TJP2: variants seen among roughly 807,000 people sequenced by gnomAD.
The protein encoded by TJP2 is tight junction protein 2, also known as Friedreich ataxia region gene X104 (tight junction protein ZO-2).
TJP2 carries 91 observed loss-of-function variants against 133.1 expected under a neutral mutation model. The ratio of observed to expected loss-of-function variants is 0.68; its 90% CI spans 0.58 to 0.81. The LOEUF is 0.81. Ranked by LOEUF, TJP2 falls within the 40% of genes least tolerant of loss-of-function variation. The pLI, the probability that TJP2 is intolerant of heterozygous loss-of-function variation, is 0.00. For missense variants in TJP2, 1,541 were observed against 1,565.6 expected, an observed-to-expected ratio of 0.98 and a Z score of 0.26; for synonymous variants, 592 against 583.4, an observed-to-expected ratio of 1.01 and a Z score of -0.21.
chr9:69,220,713 CCTATT>C (rs967194378), intron 4 of TJP2, among the ~76,000 whole-genome samples, 169 bp from the exon 5 acceptor site: 4 of 152,224 alleles, frequency 2.6e-5, no homozygotes, highest in African/African-American at 7.2e-5. Context: ...CGGTCATTGT[CCTATT>C]CTAACCCTGT....
intron 1 of TJP2, among the ~76,000 whole-genome samples, chr9:69,149,453 C>CTAA (rs142127045): frequency 0.059 from 8,999 of 152,268 alleles, 760 homozygotes; most frequent in East Asian, 0.23. Flanking sequence ...ATAGCTTTAG[C>CTAA]CTTTGCCTAC....
chr9:69,200,556 T>C (rs1826911938), intron 1 of TJP2, among the ~76,000 whole-genome samples: 1 of 152,132 alleles, frequency 6.6e-6, no homozygotes, highest in Non-Finnish European at 1.5e-5. Flanking sequence ...CCTGGCTAGA[T>C]TTTAACATTT....
intron 1 of TJP2, among the ~76,000 whole-genome samples, chr9:69,195,558 G>GA (rs1318507897): frequency 6.6e-6 from 1 of 152,032 alleles, no homozygotes; most frequent in Admixed American, 6.5e-5. Context: ...TTTTGTATGT[G>GA]AAAAAAGCAG....
intron 1 of TJP2, among the ~76,000 whole-genome samples, chr9:69,123,556 A>T (rs1178186551): frequency 1.3e-5 from 1 of 77,660 alleles, no homozygotes; most frequent in East Asian, 3.8e-4. Context: ...AAGAGAATGT[A>T]TAGTAAATGT....
At chr9:69,235,573 T>C (rs1233070498) in intron 12 of TJP2, among the ~76,000 whole-genome samples, 1 of 152,002 alleles carries the variant, frequency 6.6e-6, no homozygotes, top group Admixed American at 6.6e-5. Context: ...CCACCCACCT[T>C]GGCCTCCCAA....
In TJP2 at chr9:69,225,316, G is replaced by A. The variant is rs559824029; in HGVS notation, c.965G>A (p.Arg322Gln). Reference protein sequence around the residue: ...KSRANEEYGLRLGSQIFVKEM... With the variant: ...KSRANEEYGLQLGSQIFVKEM... ...GTTTGTCTCCTAGAGTATGGTCTCCGGCTTGGGAGTCAGATCTTCGTAAAG... is the reference window on the plus strand; with the variant it reads ...GTTTGTCTCCTAGAGTATGGTCTCCAGCTTGGGAGTCAGATCTTCGTAAAG... The change falls in exon 6 of 23, where the codon CGG becomes CAG. Residue 322 changes from arginine to glutamine, a missense_variant. Transcript: ENST00000377245. 2.9e-5 allele frequency: 46 copies of A among 1,612,912 alleles called. No individual in the cohort carries two copies. The highest frequency in any genetic ancestry group is 3.3e-4 in the Middle Eastern group (2 of 6,058).
chr9:69,132,808 A>C (rs1212530412), intron 1 of TJP2, among the ~76,000 whole-genome samples: 1 of 152,132 alleles, frequency 6.6e-6, no homozygotes, highest in Non-Finnish European at 1.5e-5. Context: ...CCTACCTGGT[A>C]GGCTTAGTGG....
chr9:69,192,956 C>G (rs987665623), intron 1 of TJP2, among the ~76,000 whole-genome samples: 1 of 138,246 alleles, frequency 7.2e-6, no homozygotes, highest in Non-Finnish European at 1.5e-5. Flanking sequence ...TGGTCTCACT[C>G]TGTCACCCAG....
chr9:69,229,802 A>T (rs377756642), intron 10 of TJP2, among the ~76,000 whole-genome samples: 6 of 152,334 alleles, frequency 3.9e-5, no homozygotes, highest in Admixed American at 1.3e-4. Context: ...TTTTAGCCCT[A>T]ACTCTGCCCT....
At chr9:69,208,216 C>T (rs1261668219) in intron 1 of TJP2, among the ~76,000 whole-genome samples, 1 of 152,184 alleles carries the variant, frequency 6.6e-6, no homozygotes. Context: ...TAGTTCCCTT[C>T]CTTTACAATT....
intron 1 of TJP2, among the ~76,000 whole-genome samples, chr9:69,147,143 T>G (rs1255037608): frequency 6.6e-6 from 1 of 152,206 alleles, no homozygotes; most frequent in Non-Finnish European, 1.5e-5. Flanking sequence ...GAAAACATTG[T>G]AATGACTAAA....
intron 4 of TJP2, 149 bp from the exon 5 acceptor site, chr9:69,220,738 A>G (rs1263377691): frequency 1.4e-6 from 1 of 726,192 alleles, no homozygotes; most frequent in Non-Finnish European, 2.4e-6. Context: ...TGAGATTTTT[A>G]TTGTCCGTTT....
chr9:69,220,043 G>A (rs990068165), intron 4 of TJP2, among the ~76,000 whole-genome samples: 66 of 152,156 alleles, frequency 4.3e-4, no homozygotes, highest in Non-Finnish European at 2.9e-4. Flanking sequence ...CCCAGCTATC[G>A]GGAGGGTGAG....
At chr9:69,214,938 C>G (rs1828246378) in intron 2 of TJP2, among the ~76,000 whole-genome samples, 1 of 151,416 alleles carries the variant, frequency 6.6e-6, no homozygotes, top group Admixed American at 6.6e-5. Context: ...ACCAACACAT[C>G]TACTTTGAAG....
rs138412448 is a variant in TJP2 at position 69,187,238 on chromosome 9, A to G, written c.60+12806A>G. 3.3e-3 allele frequency among the ~76,000 whole-genome samples: 503 copies of G among 152,368 alleles called. 2 individuals carry two copies. Among genetic ancestry groups the G allele is most frequent in the African/African-American group, 0.011 (475 of 41,588 alleles). ...TTTGGCTTAGTAGTAAGCTCCAAAT[A>G]ACAATTGCATTGTTGTTCTGAATTG... is the stretch of plus-strand genomic sequence containing the variant. On this transcript the variant is annotated intron_variant, in intron 1 of 22. Transcript: ENST00000377245.
intron 15 of TJP2, 28 bp from the exon 16 acceptor site, chr9:69,238,682 A>T (rs1208851384): frequency 1.3e-6 from 2 of 1,595,244 alleles, no homozygotes; most frequent in African/African-American, 2.7e-5. Context: ...CTAAACAATT[A>T]TTTAGCTTCC....
At chr9:69,159,290 C>G (rs1823937978) in intron 2 of TJP2, among the ~76,000 whole-genome samples, 1 of 151,968 alleles carries the variant, frequency 6.6e-6, no homozygotes, top group African/African-American at 2.4e-5. Context: ...CACTGTACTC[C>G]AGTCTGGGTG....
rs769695480 is a variant in TJP2, at chr9:69,254,285, G to A, written c.3484G>A (p.Glu1162Lys). ...DTRGSYGSDA[E>K]EEEYRQQLSE... ...CAGAGGAAGTTATGGCAGTGATGCC[G>A]AGGAGGAGGAGTACCGCCAGCAGCT... Residue 1162 changes from glutamate (E) to lysine (K), a missense_variant, in exon 23 of 23, where the codon GAG becomes AAG. Transcript: ENST00000377245. 35 of 1,614,048 alleles carry A rather than the reference G, an allele frequency of 2.2e-5. No individual in the cohort carries two copies. The highest frequency in any genetic ancestry group is 1.5e-4 in the Admixed American group (9 of 60,008).
Position 69,254,667 on chromosome 9 carries a change from G to A in TJP2, c.*293G>A, listed in dbSNP as rs2133524200. ...GTGGACCGAAATCTGTATTCTGTTT[G>A]CGTACTTGTAATATGTATATTAAGA... On this transcript the variant is annotated 3_prime_UTR_variant, in exon 23 of 23. Transcript: ENST00000377245. 1.7e-6 allele frequency: 1 copy of A among 593,302 alleles called. No individual in the cohort carries two copies. Among genetic ancestry groups the A allele is most frequent in the East Asian group, 2.8e-5 (1 of 36,222 alleles). The allele number at this position is 593,302 out of a possible 1,614,324, so 36.8% of individuals were successfully genotyped here. A position where few individuals can be genotyped will look rare whatever the true frequency, so the allele number is the denominator to read the frequency against.
Sources: gnomAD v4.1 joint callset for allele counts (sites outside exome capture counted in the v4.1 genomes callset) on GRCh38, gnomAD v4.1.1 for gene constraint, MANE v1.5 for transcripts, NCBI Gene and HGNC (gene_info 2026-07-23, HGNC 2026-07-21) for gene names.